Variants in RGS7 observed in about 807,000 individuals in gnomAD.
The protein encoded by RGS7 is regulator of G-protein signaling 7.
Under a neutral mutation model 81.1 loss-of-function variants are expected in RGS7, and 27 were observed. The observed-to-expected ratio is 0.33, with a 90% CI of 0.25 to 0.46. The LOEUF is 0.46. RGS7 is among the 20% of genes least tolerant of loss of function. The pLI is 1.00. For missense variants in RGS7, 396 were observed against 607.4 expected, an observed-to-expected ratio of 0.65 and a Z score of 3.66; for synonymous variants, 208 against 207.7, an observed-to-expected ratio of 1.00 and a Z score of -0.01.
chr1:240,899,448 C>T (rs1572664937), intron 6 of RGS7, among the ~76,000 whole-genome samples: 1 of 152,130 alleles, frequency 6.6e-6, no homozygotes, highest in Admixed American at 6.5e-5. Context: ...ATGTTTAGTG[C>T]TTCCTTCAGG....
intron 2 of RGS7, among the ~76,000 whole-genome samples, chr1:241,219,204 G>A (rs1210855086): frequency 6.6e-6 from 1 of 152,188 alleles, no homozygotes; most frequent in African/African-American, 2.4e-5. Context: ...TGTTGTGGGA[G>A]GGACTCAGTG....
At chr1:241,170,626 G>A (rs1351055249) in intron 2 of RGS7, among the ~76,000 whole-genome samples, 1 of 152,210 alleles carries the variant, frequency 6.6e-6, no homozygotes, top group Non-Finnish European at 1.5e-5. Flanking sequence ...CATGGAAGAG[G>A]CAGACTGGCA....
intron 18 of RGS7, among the ~76,000 whole-genome samples, chr1:240,777,669 T>C (rs140132179): frequency 3.8e-4 from 58 of 152,342 alleles, no homozygotes; most frequent in Admixed American, 1.4e-3. Context: ...TAGACACTTA[T>C]AGATTCTTTG....
At chr1:241,189,962 G>T (rs778257615) in intron 2 of RGS7, among the ~76,000 whole-genome samples, 3 of 152,128 alleles carry the variant, frequency 2.0e-5, no homozygotes, top group Non-Finnish European at 4.4e-5. Flanking sequence ...ATTTAGCCGG[G>T]CGCGGTGGTG....
intron 2 of RGS7, among the ~76,000 whole-genome samples, chr1:241,108,936 C>T (rs1269867400): frequency 1.3e-5 from 2 of 152,132 alleles, no homozygotes; most frequent in Non-Finnish European, 2.9e-5. Flanking sequence ...TTGCTATCAA[C>T]TTAGTTCACA....
At chr1:240,932,665 C>T (rs570135805) in intron 5 of RGS7, among the ~76,000 whole-genome samples, 18 of 150,332 alleles carry the variant, frequency 1.2e-4, no homozygotes, top group African/African-American at 3.7e-4. Flanking sequence ...CCCGCCACCA[C>T]GCCCAGCTGA....
intron 9 of RGS7, among the ~76,000 whole-genome samples, chr1:240,849,702 C>T (rs1483980010): frequency 6.6e-6 from 1 of 152,158 alleles, no homozygotes; most frequent in African/African-American, 2.4e-5. Context: ...CTCCTGCTCT[C>T]ACTGTGTGAT....
intron 2 of RGS7, among the ~76,000 whole-genome samples, chr1:241,276,385 A>C (rs1045554484): frequency 6.6e-6 from 1 of 152,222 alleles, no homozygotes; most frequent in Non-Finnish European, 1.5e-5. Flanking sequence ...GGTTAATATG[A>C]TTCTAGACAA....
intron 3 of RGS7, among the ~76,000 whole-genome samples, chr1:241,030,148 T>C (rs1462348475): frequency 6.6e-6 from 1 of 152,106 alleles, no homozygotes; most frequent in Admixed American, 6.6e-5. Context: ...ATAAGCTAGG[T>C]GTAGGTTTGC....
intron 4 of RGS7, among the ~76,000 whole-genome samples, chr1:240,949,227 C>T (rs1679149926): frequency 6.6e-6 from 1 of 152,116 alleles, no homozygotes; most frequent in African/African-American, 2.4e-5. Context: ...GTTTCCTAGG[C>T]TTATCTTATG....
intron 3 of RGS7, among the ~76,000 whole-genome samples, chr1:241,018,270 A>G (rs762746432): frequency 6.6e-6 from 1 of 151,254 alleles, no homozygotes; most frequent in African/African-American, 2.4e-5. Flanking sequence ...GGCATGAGCC[A>G]CCATACCCTG....
Position 240,937,787 on chromosome 1 carries a change from T to C in RGS7, c.227-1081A>G, listed in dbSNP as rs574157224. The stretch of plus-strand genomic sequence containing the variant: ...GGGAATGTTAAGGCATCAAGGACCA[T>C]GTATGCTGCACTATTGAATCTACAG... On this transcript the variant is annotated intron_variant, in intron 4 of 18. Transcript: ENST00000440928. Among the ~76,000 whole-genome samples the C allele has an allele frequency of 1.4e-4, 22 of 152,364 alleles. No homozygotes were observed. The East Asian group carries it at 3.3e-3, about 23-fold the overall frequency.
intron 3 of RGS7, among the ~76,000 whole-genome samples, chr1:241,030,357 A>T (rs2060004133): frequency 1.3e-5 from 1 of 74,154 alleles, no homozygotes; most frequent in Non-Finnish European, 3.1e-5. Flanking sequence ...TCCAGAACTT[A>T]TAGCATATAT....
chr1:240,925,536 A>G, intron 6 of RGS7, among the ~76,000 whole-genome samples: 1 of 152,148 alleles, frequency 6.6e-6, no homozygotes, highest in Non-Finnish European at 1.5e-5. Context: ...ATTGATGGGC[A>G]CCTATGTTGA....
intron 10 of RGS7, among the ~76,000 whole-genome samples, chr1:240,820,011 G>T (rs963363485): frequency 6.6e-6 from 1 of 152,138 alleles, no homozygotes; most frequent in African/African-American, 2.4e-5. Context: ...TACATATGGG[G>T]ATTATTTTAT....
intron 3 of RGS7, among the ~76,000 whole-genome samples, chr1:240,996,243 A>G (rs1687268520): frequency 6.6e-6 from 1 of 152,158 alleles, no homozygotes; most frequent in Admixed American, 6.5e-5. Flanking sequence ...TGGGAACTTG[A>G]GACCATGAAA....
chr1:240,793,611 A>ATATATATATATATATATTTT, intron 18 of RGS7, among the ~76,000 whole-genome samples: 71 of 78,724 alleles, frequency 9.0e-4, no homozygotes, highest in South Asian at 1.7e-3. Context: ...ATATATATAT[A>ATATATATATATATATATTTT]TTTTTTTTTT....
rs777839011 is a variant in RGS7, at chr1:240,793,586, A to AATAT, written c.*6+7051_*6+7054dup. On this transcript the variant is annotated intron_variant, in intron 18 of 18. Transcript: ENST00000440928. ...TTATTTTCACTGAAGGTGTAGTAGG[A>AATAT]ATATATATATATATATATATATATA... Among the ~76,000 whole-genome samples the AATAT allele has an allele frequency of 1.3e-3, 134 of 102,282 alleles. 5 individuals carry two copies. Among genetic ancestry groups the AATAT allele is most frequent in the African/African-American group, 5.2e-3 (84 of 16,012 alleles). The allele number at this position is 102,282 out of a possible 152,430, so 67.1% of individuals were successfully genotyped here.
chr1:241,225,323 A>G (rs1389257367), intron 2 of RGS7, among the ~76,000 whole-genome samples: 1 of 152,252 alleles, frequency 6.6e-6, no homozygotes, highest in Non-Finnish European at 1.5e-5. Flanking sequence ...AACTACTGAA[A>G]TAATTTATGC....
Sources: gnomAD v4.1 joint callset for allele counts (sites outside exome capture counted in the v4.1 genomes callset) on GRCh38, gnomAD v4.1.1 for gene constraint, MANE v1.5 for transcripts, NCBI Gene and HGNC (gene_info 2026-07-23, HGNC 2026-07-21) for gene names.